ANGPT1: variants seen among roughly 807,000 people sequenced by gnomAD.
The protein encoded by ANGPT1 is angiopoietin 1, also known as angiopoietin-1.
In ANGPT1, 17 loss-of-function variants were observed where a neutral mutation model predicts 62.2. That is an observed-to-expected ratio of 0.27 (90% CI 0.19 to 0.41). The LOEUF is 0.41. ANGPT1 is among the 10% of genes least tolerant of loss of function. The pLI is 1.00. For missense variants in ANGPT1, 478 were observed against 594.9 expected (o/e 0.80, Z 2.04); for synonymous variants, 199 against 198.9 (o/e 1.00, Z 0.00).
rs1012802842 is a variant in ANGPT1 at position 107,321,962 on chromosome 8, G to A, written c.742C>T (p.Gln248Ter). 6.2e-7 allele frequency: 1 copy of A among 1,613,894 alleles called. No individual in the cohort carries two copies. Among genetic ancestry groups the A allele is most frequent in the Non-Finnish European group, 8.5e-7 (1 of 1,179,912 alleles). The change falls in exon 4 of 9, where the codon CAG (glutamine) becomes TAG (stop). Residue 248 changes from glutamine to a stop codon, truncating the protein, a stop_gained. Transcript: ENST00000517746. LOFTEE classifies it high-confidence loss of function. ...NRATTNNSVLQKQQLELMDTV... is the reference protein window; with the variant it reads ...NRATTNNSVL ...TCCATCAGCTCCAGTTGCTGCTTCT[G>A]AAGGACACTGTTGTTGGTGGTAGCT...
chr8:107,355,004 G>A (rs1041344278), intron 1 of ANGPT1, among the ~76,000 whole-genome samples: 5 of 150,866 alleles, frequency 3.3e-5, no homozygotes, highest in Admixed American at 6.6e-5. Flanking sequence ...TTCGCCTCTC[G>A]GGTTCAAGTG....
intron 1 of ANGPT1, among the ~76,000 whole-genome samples, chr8:107,412,976 C>A (rs1292584956): frequency 6.6e-6 from 1 of 152,014 alleles, no homozygotes; most frequent in Non-Finnish European, 1.5e-5. Flanking sequence ...AAGCAGTGAA[C>A]AAACAGGTGG....
intron 6 of ANGPT1, among the ~76,000 whole-genome samples, chr8:107,288,006 C>T (rs1158339517): frequency 6.6e-6 from 1 of 152,046 alleles, no homozygotes; most frequent in East Asian, 1.9e-4. Context: ...TTCCATGAGA[C>T]TGTGAGTCAT....
intron 5 of ANGPT1, among the ~76,000 whole-genome samples, chr8:107,299,972 G>GTTATATCTAGATATCTAGATATAACT (rs1186102986): frequency 2.3e-5 from 3 of 130,588 alleles, no homozygotes; most frequent in Non-Finnish European, 3.2e-5. Context: ...CTATATACTA[G>GTTATATCTAGATATCTAGATATAACT]TTATATCTAG....
At chr8:107,267,324 A>G (rs1017567140) in intron 7 of ANGPT1, among the ~76,000 whole-genome samples, 4 of 152,128 alleles carry the variant, frequency 2.6e-5, no homozygotes, top group Non-Finnish European at 2.9e-5. Context: ...ATATATCATC[A>G]ATAGTCACAA....
intron 1 of ANGPT1, among the ~76,000 whole-genome samples, chr8:107,381,192 T>C (rs969192584): frequency 1.3e-5 from 2 of 152,210 alleles, no homozygotes; most frequent in African/African-American, 4.8e-5. Flanking sequence ...TCAATGAACT[T>C]TTTTATCATG....
chr8:107,251,670 G>A lies in ANGPT1; in HGVS notation c.*185C>T. ...CACGTGAGCACTGTCACCCCAAGTA[G>A]AGACTCTTGTGAACTCAAACGGCTC... is the stretch of plus-strand genomic sequence containing the variant. On this transcript the variant is annotated 3_prime_UTR_variant, in exon 9 of 9. Coordinates refer to ENST00000517746, the MANE Select transcript of ANGPT1 (RefSeq NM_001146.5). The A allele has an allele frequency of 1.5e-6, 1 of 676,522 alleles. No individual in the cohort carries two copies. The highest frequency in any genetic ancestry group is 2.4e-6 in the Non-Finnish European group (1 of 415,468). The allele number at this position is 676,522 out of a possible 1,614,324, so 41.9% of individuals were successfully genotyped here. A position where few individuals can be genotyped will look rare whatever the true frequency, so the allele number is the denominator to read the frequency against.
intron 3 of ANGPT1, among the ~76,000 whole-genome samples, chr8:107,331,771 A>C (rs1815427146): frequency 6.6e-6 from 1 of 152,170 alleles, no homozygotes; most frequent in South Asian, 2.1e-4. Context: ...CTATGTAGGA[A>C]TGGCCATCAC....
intron 1 of ANGPT1, among the ~76,000 whole-genome samples, chr8:107,372,250 T>C: frequency 6.6e-6 from 1 of 152,108 alleles, no homozygotes; most frequent in Non-Finnish European, 1.5e-5. Flanking sequence ...TAAAACTGTC[T>C]TCAAATATTG....
chr8:107,293,206 ATGATGATGATGATGATG>A (rs1398768560), intron 6 of ANGPT1, among the ~76,000 whole-genome samples: 1 of 115,550 alleles, frequency 8.7e-6, no homozygotes, highest in Admixed American at 8.9e-5. Context: ...TGTGATGATG[ATGATGATGATGATGATG>A]ATGATGATGA....
intron 8 of ANGPT1, among the ~76,000 whole-genome samples, chr8:107,261,570 T>G (rs1480877246): frequency 6.6e-6 from 1 of 151,730 alleles, no homozygotes; most frequent in Non-Finnish European, 1.5e-5. Context: ...CCGGGCGTGG[T>G]GGCAGGTGCC....
intron 1 of ANGPT1, among the ~76,000 whole-genome samples, chr8:107,466,639 C>G (rs2130488095): frequency 6.6e-6 from 1 of 152,210 alleles, no homozygotes; most frequent in East Asian, 1.9e-4. Flanking sequence ...AGGCTGGGCA[C>G]AGTGGCTCAC....
chr8:107,487,512 A>G (rs376477131), intron 1 of ANGPT1, among the ~76,000 whole-genome samples: 3 of 151,914 alleles, frequency 2.0e-5, no homozygotes, highest in African/African-American at 7.3e-5. Context: ...CCTTCACACC[A>G]TCAGTATATT....
chr8:107,372,247 G>A (rs895545480), intron 1 of ANGPT1, among the ~76,000 whole-genome samples: 3 of 151,992 alleles, frequency 2.0e-5, no homozygotes, highest in African/African-American at 4.8e-5. Flanking sequence ...AAGTAAAACT[G>A]TCTTCAAATA....
At chr8:107,393,340 T>C (rs1816871960) in intron 1 of ANGPT1, among the ~76,000 whole-genome samples, 1 of 152,148 alleles carries the variant, frequency 6.6e-6, no homozygotes, top group Admixed American at 6.6e-5. Context: ...ACTTTTTGGA[T>C]GATGGAAATG....
intron 4 of ANGPT1, among the ~76,000 whole-genome samples, chr8:107,309,497 C>T (rs1484147307): frequency 6.6e-6 from 1 of 152,104 alleles, no homozygotes; most frequent in African/African-American, 2.4e-5. Flanking sequence ...CTCTGGAATC[C>T]TAATTTATTC....
At chr8:107,481,854 G>A (rs571891595) in intron 1 of ANGPT1, among the ~76,000 whole-genome samples, 106 of 152,234 alleles carry the variant, frequency 7.0e-4, no homozygotes, top group African/African-American at 2.5e-3. Flanking sequence ...GAACAGCATG[G>A]GAAAACTGCC....
In ANGPT1 at chr8:107,446,169, G is replaced by T. The variant is rs1179843299; in HGVS notation, c.297+51093C>A. Among the ~76,000 whole-genome samples, 3 of 152,210 alleles carry T rather than the reference G, an allele frequency of 2.0e-5. No homozygotes were observed. The East Asian group carries it at 5.8e-4, about 29-fold the overall frequency. On this transcript the variant is annotated intron_variant, in intron 1 of 8. Coordinates refer to ENST00000517746, the MANE Select transcript of ANGPT1 (RefSeq NM_001146.5). ...CCTGACTTCATGATCTGCCCGCCTT[G>T]GCTTCCCAGAGTGCTGGGATTACAG...
At chr8:107,407,601 G>T (rs771792139) in intron 1 of ANGPT1, among the ~76,000 whole-genome samples, 1 of 152,100 alleles carries the variant, frequency 6.6e-6, no homozygotes, top group Non-Finnish European at 1.5e-5. Context: ...AGAGAGGAAA[G>T]AAAAGACAAC....
Sources: allele counts gnomAD v4.1 joint callset (sites outside exome capture counted in the v4.1 genomes callset), GRCh38; gene constraint gnomAD v4.1.1; transcripts MANE v1.5; gene names NCBI Gene and HGNC (gene_info 2026-07-23, HGNC 2026-07-21).